The following HECW2 variants were observed in gnomAD, a reference collection of about 807,000 sequenced individuals.
HECW2 encodes E3 ubiquitin-protein ligase HECW2.
In HECW2, 61 loss-of-function variants were observed where a neutral mutation model predicts 175.2. The observed-to-expected ratio is 0.35, with a 90% confidence interval of 0.28 to 0.43. HECW2 has a LOEUF of 0.43. Ranked by LOEUF, HECW2 falls within the 20% of genes least tolerant of loss-of-function variation. The pLI is 1.00. For missense variants in HECW2, 1,524 were observed against 2,000.5 expected (o/e 0.76, Z 4.54); for synonymous variants, 671 against 731.0 (o/e 0.92, Z 1.32).
At chr2:196,523,800 C>G (rs1383684812) in intron 1 of HECW2, among the ~76,000 whole-genome samples, 6 of 151,200 alleles carry the variant, frequency 4.0e-5, no homozygotes, top group Middle Eastern at 6.8e-3. Flanking sequence ...GTATATTGAA[C>G]CAGCCTTGCA....
chr2:196,449,231 T>G (rs889888141), intron 1 of HECW2, among the ~76,000 whole-genome samples: 1 of 152,216 alleles, frequency 6.6e-6, no homozygotes, highest in African/African-American at 2.4e-5. Flanking sequence ...TTGGACCTAC[T>G]ATAGCTCTCC....
chr2:196,233,476 A>G (rs1688131536), intron 21 of HECW2, among the ~76,000 whole-genome samples: 1 of 152,242 alleles, frequency 6.6e-6, no homozygotes, highest in Non-Finnish European at 1.5e-5. Flanking sequence ...AGCAGACTAT[A>G]AAATGAAAGA....
intron 1 of HECW2, among the ~76,000 whole-genome samples, chr2:196,507,037 C>G (rs1687782645): frequency 6.6e-6 from 1 of 151,992 alleles, no homozygotes; most frequent in South Asian, 2.1e-4. Context: ...AATTTTTATT[C>G]CAGAAATAAA....
chr2:196,489,065 C>T (rs1687102526), intron 1 of HECW2, among the ~76,000 whole-genome samples: 1 of 152,014 alleles, frequency 6.6e-6, no homozygotes, highest in African/African-American at 2.4e-5. Flanking sequence ...AGTTAGTTAC[C>T]TTTTGTTCTT....
chr2:196,340,709 T>C (rs1310362192), intron 3 of HECW2, among the ~76,000 whole-genome samples: 1 of 151,896 alleles, frequency 6.6e-6, no homozygotes, highest in Admixed American at 6.6e-5. Flanking sequence ...GTGAGTGTTT[T>C]GGTGGGGCAA....
At chr2:196,568,284 A>G (rs1690251834) in intron 1 of HECW2, among the ~76,000 whole-genome samples, 1 of 152,222 alleles carries the variant, frequency 6.6e-6, no homozygotes, top group Admixed American at 6.5e-5. Context: ...ATGAAATCTT[A>G]CATCCTAAAA....
intron 6 of HECW2, among the ~76,000 whole-genome samples, chr2:196,322,977 G>C (rs748100927): frequency 6.6e-6 from 1 of 152,158 alleles, no homozygotes; most frequent in Non-Finnish European, 1.5e-5. Flanking sequence ...TTAATATCTT[G>C]TTATAGAATG....
chr2:196,407,890 A>C (rs1695006294), intron 2 of HECW2, among the ~76,000 whole-genome samples: 1 of 152,192 alleles, frequency 6.6e-6, no homozygotes, highest in Non-Finnish European at 1.5e-5. Flanking sequence ...TGCTTGTTGA[A>C]TTTAACTGAA....
intron 2 of HECW2, among the ~76,000 whole-genome samples, chr2:196,404,448 G>T (rs1220645996): frequency 6.6e-6 from 1 of 152,142 alleles, no homozygotes; most frequent in Non-Finnish European, 1.5e-5. Flanking sequence ...CAGCCAGGAA[G>T]GTTCAGAGGG....
rs1215404800 is a variant in HECW2, at chr2:196,442,673, G to A, written c.-35-9215C>T. On this transcript the variant is annotated intron_variant, in intron 1 of 28. Coordinates refer to ENST00000644978, the MANE Select transcript of HECW2 (RefSeq NM_001348768.2). ...GAATTTGTTCATGCTATAAGGTTAA[G>A]TATTATCAAATACTGTTACATATAC... Among the ~76,000 whole-genome samples the A allele has an allele frequency of 2.0e-5, 3 of 152,154 alleles. No homozygotes were observed. In the East Asian group the frequency reaches 5.8e-4, roughly 29 times the overall value.
intron 2 of HECW2, among the ~76,000 whole-genome samples, chr2:196,365,625 T>A (rs972700723): frequency 6.6e-6 from 1 of 152,128 alleles, no homozygotes; most frequent in Non-Finnish European, 1.5e-5. Flanking sequence ...TTTTTGAAAA[T>A]ATATACAAAA....
intron 23 of HECW2, among the ~76,000 whole-genome samples, chr2:196,225,046 T>C (rs1437731717): frequency 1.3e-5 from 2 of 152,216 alleles, no homozygotes; most frequent in African/African-American, 4.8e-5. Context: ...CAGAGCCAAG[T>C]GATAATTCAG....
chr2:196,471,635 A>G (rs1157609108), intron 1 of HECW2, among the ~76,000 whole-genome samples: 1 of 152,234 alleles, frequency 6.6e-6, no homozygotes, highest in Non-Finnish European at 1.5e-5. Flanking sequence ...CTAGGCAGCC[A>G]TATAAAAGAA....
chr2:196,388,402 T>G (rs1484379218), intron 2 of HECW2, among the ~76,000 whole-genome samples: 1 of 152,220 alleles, frequency 6.6e-6, no homozygotes, highest in African/African-American at 2.4e-5. Context: ...TACATAGTGC[T>G]TACTGTCAGG....
At chr2:196,322,775 T>C (rs1691996983) in intron 6 of HECW2, among the ~76,000 whole-genome samples, 155 bp from the exon 7 acceptor site, 1 of 152,218 alleles carries the variant, frequency 6.6e-6, no homozygotes, top group South Asian at 2.1e-4. Context: ...AATCCTTTAT[T>C]CACTCAGAAT....
At chr2:196,381,873 T>A (rs1046317563) in intron 2 of HECW2, among the ~76,000 whole-genome samples, 6 of 152,224 alleles carry the variant, frequency 3.9e-5, no homozygotes, top group Admixed American at 2.0e-4. Flanking sequence ...AACACTAATG[T>A]GATTTAAATA....
chr2:196,262,260 C>T (rs1382345185), intron 17 of HECW2, among the ~76,000 whole-genome samples: 2 of 152,176 alleles, frequency 1.3e-5, no homozygotes, highest in Non-Finnish European at 2.9e-5. Context: ...CTCCTGGCCT[C>T]AAGTGATCCT....
chr2:196,419,272 C>A (rs749071475), intron 2 of HECW2, among the ~76,000 whole-genome samples: 1 of 152,144 alleles, frequency 6.6e-6, no homozygotes, highest in Admixed American at 6.6e-5. Flanking sequence ...ACAGAGTGGG[C>A]GATTTTTCTG....
At chr2:196,488,448 C>A (rs1426604241) in intron 1 of HECW2, among the ~76,000 whole-genome samples, 1 of 152,136 alleles carries the variant, frequency 6.6e-6, no homozygotes, top group African/African-American at 2.4e-5. Flanking sequence ...AACTGAATGA[C>A]AATGAGCTCT....
Sources: allele counts gnomAD v4.1 joint callset (sites outside exome capture counted in the v4.1 genomes callset), GRCh38; gene constraint gnomAD v4.1.1; transcripts MANE v1.5; gene names NCBI Gene and HGNC (gene_info 2026-07-23, HGNC 2026-07-21).